PPARGC1B: variants seen among roughly 807,000 people sequenced by gnomAD.
The protein encoded by PPARGC1B is peroxisome proliferator-activated receptor gamma coactivator 1-beta.
In PPARGC1B, 34 loss-of-function variants were observed where a neutral mutation model predicts 101.6. That is an observed-to-expected ratio of 0.33 (90% confidence interval 0.25 to 0.45). PPARGC1B has a LOEUF of 0.45. Among genes scored for constraint, PPARGC1B ranks in the 20% least tolerant of loss-of-function variants. The pLI, the probability that PPARGC1B is intolerant of heterozygous loss-of-function variation, is 1.00. For missense variants in PPARGC1B, 1,234 were observed against 1,317.6 expected, an observed-to-expected ratio of 0.94 and a Z score of 0.98; for synonymous variants, 548 against 539.3, an observed-to-expected ratio of 1.02 and a Z score of -0.22.
downstream of PPARGC1B, among the ~76,000 whole-genome samples, chr5:149,855,585 T>C (rs900011520): frequency 2.0e-5 from 3 of 152,164 alleles, no homozygotes; most frequent in South Asian, 2.1e-4. Context: ...AGGCCTGCAT[T>C]GTGTGCGGTA....
chr5:149,755,046 C>CATACATATATAT (rs1438235435), intron 1 of PPARGC1B, among the ~76,000 whole-genome samples: 17 of 105,588 alleles, frequency 1.6e-4, no homozygotes, highest in South Asian at 2.9e-4. Flanking sequence ...TATACATATA[C>CATACATATATAT]ATATACATAT....
rs147750117 is a variant in PPARGC1B, at chr5:149,821,828, T to C, written c.252+1222T>C. Among the ~76,000 whole-genome samples the C allele has an allele frequency of 1.1e-4, 16 of 152,342 alleles. No individual in the cohort carries two copies. In the East Asian group the frequency reaches 1.2e-3, roughly 11 times the overall value. ...AGGAAATAGAGAAGGGACTGTGGACTGAGTGGTCGGGAAAGGCCTCTCTGA... is the reference window on the plus strand; with the variant it reads ...AGGAAATAGAGAAGGGACTGTGGACCGAGTGGTCGGGAAAGGCCTCTCTGA... On this transcript the variant is annotated intron_variant, in intron 2 of 11. Coordinates refer to ENST00000309241, the MANE Select transcript of PPARGC1B (RefSeq NM_133263.4).
rs1561559560 is a variant in PPARGC1B at position 149,803,892 on chromosome 5, G to A, written c.79-16541G>A. Among the ~76,000 whole-genome samples, 4 of 152,374 alleles carry A rather than the reference G, an allele frequency of 2.6e-5. No individual in the cohort carries two copies. In the South Asian group the frequency reaches 8.3e-4, roughly 32 times the overall value. Reference sequence around the variant, plus strand: ...CCAGAGCCTCGAGTCTGCAGGACCTGAGCGAGTGGTGGTCTGCTCAGCAGG... The same window carrying A: ...CCAGAGCCTCGAGTCTGCAGGACCTAAGCGAGTGGTGGTCTGCTCAGCAGG... On this transcript the variant is annotated intron_variant, in intron 1 of 11. Coordinates refer to ENST00000309241, the MANE Select transcript of PPARGC1B (RefSeq NM_133263.4).
intron 10 of PPARGC1B, among the ~76,000 whole-genome samples, chr5:149,844,594 G>A (rs938545945): frequency 6.6e-6 from 1 of 152,222 alleles, no homozygotes; most frequent in Admixed American, 6.5e-5. Context: ...AGCTGGGATT[G>A]CGACCACTGC....
intron 1 of PPARGC1B, among the ~76,000 whole-genome samples, chr5:149,808,087 G>A (rs558354751): frequency 2.1e-4 from 32 of 152,252 alleles, no homozygotes; most frequent in Admixed American, 1.8e-3. Flanking sequence ...GGGGCCATGC[G>A]TAGCCCTACA....
intron 1 of PPARGC1B, chr5:149,740,197 T>C (rs544970115): frequency 1.3e-5 from 2 of 152,380 alleles, no homozygotes; most frequent in East Asian, 3.8e-4. Flanking sequence ...AGGATGGGGT[T>C]CTGCTTGGGC....
At chr5:149,732,681 C>T (rs1754546913) in intron 1 of PPARGC1B, 1 of 406,212 alleles carries the variant, frequency 2.5e-6, no homozygotes. Context: ...CTTTGAGCCG[C>T]CCCTAGAAGG....
chr5:149,784,851 G>A (rs1756742538), intron 1 of PPARGC1B, among the ~76,000 whole-genome samples: 1 of 152,130 alleles, frequency 6.6e-6, no homozygotes, highest in Non-Finnish European at 1.5e-5. Flanking sequence ...ACAGGCGTGA[G>A]CCACCGCGCC....
rs3042304 is a variant in PPARGC1B, at chr5:149,732,045, G to GGTGT, written c.78+1655_78+1658dup. The stretch of plus-strand genomic sequence containing the variant: ...GTGTGATGAGCGGGTTGCGCGCGCG[G>GGTGT]GTGTGTGTGTGTGTGTGTGTGTGTG... On this transcript the variant is annotated intron_variant, in intron 1 of 11. Transcript: ENST00000309241. 9.5e-4 allele frequency among the ~76,000 whole-genome samples: 142 copies of GGTGT among 149,134 alleles called. 1 individual carries two copies. The highest frequency in any genetic ancestry group is 1.6e-3 in the African/African-American group (65 of 40,490).
intron 1 of PPARGC1B, among the ~76,000 whole-genome samples, chr5:149,788,912 C>A (rs1756905499): frequency 6.6e-6 from 1 of 151,884 alleles, no homozygotes; most frequent in Non-Finnish European, 1.5e-5. Context: ...AACATCACAC[C>A]CTGGGGCCTG....
At chr5:149,813,860 C>G (rs181645590) in intron 1 of PPARGC1B, among the ~76,000 whole-genome samples, 5 of 152,128 alleles carry the variant, frequency 3.3e-5, no homozygotes, top group Admixed American at 2.6e-4. Context: ...TTTCCTGGTT[C>G]GTAGATTGCA....
chr5:149,840,713 A>G (rs2113433709), intron 9 of PPARGC1B, among the ~76,000 whole-genome samples: 1 of 152,208 alleles, frequency 6.6e-6, no homozygotes, highest in Middle Eastern at 3.4e-3. Context: ...AAAGCTCCCC[A>G]CAGAGAAAAC....
intron 1 of PPARGC1B, among the ~76,000 whole-genome samples, chr5:149,794,524 G>GCACACACACACACA (rs35484083): frequency 1.5e-4 from 21 of 143,558 alleles, no homozygotes; most frequent in African/African-American, 3.0e-4. Flanking sequence ...ATGTGAGCGT[G>GCACACACACACACA]CACACACACA....
chr5:149,737,534 C>T (rs1754766068), intron 1 of PPARGC1B, among the ~76,000 whole-genome samples: 1 of 152,202 alleles, frequency 6.6e-6, no homozygotes, highest in African/African-American at 2.4e-5. Flanking sequence ...GCCAGCTGTT[C>T]CATCTTCTGT....
intron 2 of PPARGC1B, among the ~76,000 whole-genome samples, chr5:149,823,028 G>A (rs187574583): frequency 6.6e-5 from 10 of 152,288 alleles, no homozygotes; most frequent in African/African-American, 2.4e-4. Flanking sequence ...CAGTTGCAAG[G>A]GTTGACACTT....
At chr5:149,840,224 C>A in intron 9 of PPARGC1B, 108 bp downstream of exon 9, 1 of 976,406 alleles carries the variant, frequency 1.0e-6, no homozygotes, top group Non-Finnish European at 1.5e-6. Context: ...GCCCCTCAGT[C>A]TTCGGCCTCT....
At chr5:149,830,057 A>AG (rs1474177143) in intron 3 of PPARGC1B, among the ~76,000 whole-genome samples, 973 of 62,246 alleles carry the variant, frequency 0.016, 5 homozygotes, top group Admixed American at 0.057. Flanking sequence ...AAAAAAAAGA[A>AG]AAAAAAAAAA....
intron 1 of PPARGC1B, among the ~76,000 whole-genome samples, chr5:149,756,408 C>T (rs534731815): frequency 5.3e-5 from 8 of 152,020 alleles, no homozygotes; most frequent in East Asian, 1.9e-4. Flanking sequence ...GCCAAGATTG[C>T]GGCACTGCAC....
intron 1 of PPARGC1B, among the ~76,000 whole-genome samples, chr5:149,807,120 T>C (rs1040906479): frequency 2.6e-5 from 4 of 151,786 alleles, no homozygotes; most frequent in Non-Finnish European, 5.9e-5. Flanking sequence ...CTACTGTGCC[T>C]GGCCAATTTT....
Sources: allele counts gnomAD v4.1 joint callset (sites outside exome capture counted in the v4.1 genomes callset), GRCh38; gene constraint gnomAD v4.1.1; transcripts MANE v1.5; gene names NCBI Gene and HGNC (gene_info 2026-07-23, HGNC 2026-07-21).